Variants in TPP1 observed in about 807,000 individuals in gnomAD.
The protein encoded by TPP1 is tripeptidyl-peptidase 1.
TPP1 carries 43 observed loss-of-function variants against 67.6 expected under a neutral mutation model. The ratio of observed to expected loss-of-function variants is 0.64; its 90% CI spans 0.50 to 0.82. The LOEUF is 0.82. Ranked by LOEUF, TPP1 falls within the 40% of genes least tolerant of loss-of-function variation. The pLI is 0.00. For missense variants in TPP1, 671 were observed against 710.9 expected, an observed-to-expected ratio of 0.94 and a Z score of 0.64; for synonymous variants, 272 against 281.5, an observed-to-expected ratio of 0.97 and a Z score of 0.34.
At chr11:6,617,997 A>G (rs1855612257) in intron 3 of TPP1, 1 of 614,432 alleles carries the variant, frequency 1.6e-6, no homozygotes, top group African/African-American at 1.8e-5. Context: ...AAAGGCCAGT[A>G]AGTTGCAAAT....
chr11:6,615,186 C>T lies in TPP1; in HGVS notation c.1410G>A (p.Trp470Ter). 1 of 1,614,108 alleles carries T rather than the reference C, an allele frequency of 6.2e-7. No homozygotes were observed. The highest frequency in any genetic ancestry group is 8.5e-7 in the Non-Finnish European group (1 of 1,180,020). The change falls in exon 11 of 13, where the codon TGG becomes TGA. Residue 470 changes from tryptophan to a stop codon, truncating the protein, a stop_gained. Transcript: ENST00000299427. LOFTEE classifies it high-confidence loss of function. ...TGATTCTCACCGAGGTTCCGGACAC[C>T]CATGGAATGGGCACTCTGTTGCTGA... The part of the protein sequence containing the change: ...WVVSNRVPIP[W>*]VSGTSASTPV...
Position 6,618,858 on chromosome 11 carries a change from G to A in TPP1, c.147C>T (p.Leu49=), listed in dbSNP as rs757158698. The A allele has an allele frequency of 3.1e-6, 5 of 1,613,980 alleles. No individual in the cohort carries two copies. The East Asian group carries it at 8.9e-5, about 29-fold the overall frequency. ...CATTCTGCTGTCTCAGGGCAAAGGTGAGACTCAGCTCTTCCTCAGGGTCCG... is the reference window on the plus strand; with the variant it reads ...CATTCTGCTGTCTCAGGGCAAAGGTAAGACTCAGCTCTTCCTCAGGGTCCG... ...GRADPEEELS[L]TFALRQQNVE... is the part of the protein sequence containing the mutation. Residue 49 remains leucine, a synonymous_variant, in exon 3 of 13, where the codon CTC becomes CTT. Coordinates refer to ENST00000299427, the MANE Select transcript of TPP1 (RefSeq NM_000391.4).
Position 6,614,376 on chromosome 11 carries a change from TG to T in TPP1, c.*169del. ...AGGGAGACCTGAGTATGATGGAGCA[TG>T]GTAGGGTTGGGAGTCAAGTCAAGCT... On this transcript the variant is annotated 3_prime_UTR_variant, in exon 13 of 13. Coordinates refer to ENST00000299427, the MANE Select transcript of TPP1 (RefSeq NM_000391.4). 1 of 834,420 alleles carries T rather than the reference TG, an allele frequency of 1.2e-6. No homozygotes were observed. Among genetic ancestry groups the T allele is most frequent in the Non-Finnish European group, 1.9e-6 (1 of 525,588 alleles). The allele number at this position is 834,420 out of a possible 1,614,324, so 51.7% of individuals were successfully genotyped here.
rs1330875156 is a variant in TPP1, at chr11:6,617,013, C to G, written c.649G>C (p.Gly217Arg). 3 of 1,614,104 alleles carry G rather than the reference C, an allele frequency of 1.9e-6. No homozygotes were observed. The highest frequency in any genetic ancestry group is 2.5e-6 in the Non-Finnish European group (3 of 1,180,010). The change falls in exon 6 of 13, where the codon GGC becomes CGC. Residue 217 changes from glycine to arginine, a missense_variant. Gly to Arg is a moderately radical substitution (Grantham distance 125, BLOSUM62 -2). Coordinates refer to ENST00000299427, the MANE Select transcript of TPP1 (RefSeq NM_000391.4). ...TGGCTGTTATTGCTGGTGCCAGAGC[C>G]CACGTCTTGTGAGGTCAAGTTGTAT... ...KRYNLTSQDV[G>R]SGTSNNSQAC... is the part of the protein sequence containing the mutation.
Position 6,617,059 on chromosome 11 carries a change from G to T in TPP1, c.603C>A (p.Thr201=), listed in dbSNP as rs781437176. The T allele has an allele frequency of 1.2e-6, 2 of 1,614,138 alleles. No homozygotes were observed. The highest frequency in any genetic ancestry group is 1.1e-5 in the South Asian group (1 of 91,082). ...TGTATCGCTTACGGATCACAGAGGG[G>T]GTTACCCCCAGATGCAGGCCTACAG... The part of the protein sequence containing the change: ...TGTVGLHLGV[T]PSVIRKRYNL... The change falls in exon 6 of 13, where the codon ACC becomes ACA. Residue 201 remains threonine (T), a synonymous_variant. Transcript: ENST00000299427.
chr11:6,617,929 G>A (rs1336831964), intron 3 of TPP1, 153 bp from the exon 4 acceptor site: 1 of 1,058,146 alleles, frequency 9.5e-7, no homozygotes, highest in South Asian at 1.3e-5. Flanking sequence ...TTGGGAAGCA[G>A]AGGAAGAAAA....
chr11:6,618,122 C>T, intron 3 of TPP1: 1 of 377,680 alleles, frequency 2.6e-6, no homozygotes, highest in Non-Finnish European at 5.0e-6. Flanking sequence ...TCTTTCGGTA[C>T]CAGTTATTCA....
chr11:6,617,223 C>T, intron 5 of TPP1, 70 bp from the exon 6 acceptor site: 1 of 1,613,890 alleles, frequency 6.2e-7, no homozygotes, highest in Non-Finnish European at 8.5e-7. Context: ...CACCCCACCC[C>T]CAGTCCCCAA....
Position 6,617,763 on chromosome 11 carries a change from G to C in TPP1, c.243C>G (p.Thr81=). 4 of 1,614,160 alleles carry C rather than the reference G, an allele frequency of 2.5e-6. No individual in the cohort carries two copies. The highest frequency in any genetic ancestry group is 3.4e-6 in the Non-Finnish European group (4 of 1,180,032). ...PSSPQYGKYL[T]LENVADLVRP... is the part of the protein sequence containing the mutation. ...TCACCAGATCAGCCACATTCTCTAG[G>C]GTCAGGTATTTTCCTGCAGGGATTC... Residue 81 remains threonine (T), a synonymous_variant, in exon 4 of 13, where the codon ACC becomes ACG. Transcript: ENST00000299427.
At chr11:6,617,189 G>T (rs1254832755) in intron 5 of TPP1, 36 bp from the exon 6 acceptor site, 2 of 1,613,904 alleles carry the variant, frequency 1.2e-6, no homozygotes, top group East Asian at 4.5e-5. Context: ...AGATCTTATA[G>T]ACTGTAATGC....
Position 6,614,649 on chromosome 11 carries a change from T to C in TPP1, c.1589A>G (p.Glu530Gly). Residue 530 changes from glutamate (E) to glycine (G), a missense_variant, in exon 13 of 13, where the codon GAG becomes GGG. By Grantham distance (98) the Glu-to-Gly change is moderately conservative. Transcript: ENST00000299427. ...RGCHESCLDE[E>G]VEGQGFCSGP... is the part of the protein sequence containing the mutation. ...AGAGCAGAAACCCTGGCCCTCTACC[T>C]CTTCATCCAGACAGGACTCATGGCA... 1 of 1,614,088 alleles carries C rather than the reference T, an allele frequency of 6.2e-7. No individual in the cohort carries two copies. Among genetic ancestry groups the C allele is most frequent in the Non-Finnish European group, 8.5e-7 (1 of 1,179,990 alleles).
chr11:6,617,744 G>T lies in TPP1; in HGVS notation c.262C>A (p.Leu88Met), dbSNP rs780849847. The change falls in exon 4 of 13, where the codon CTG (leucine) becomes ATG (methionine). Residue 88 changes from leucine (L) to methionine (M), a missense_variant. Physicochemically the swap from Leu to Met is conservative, Grantham distance 15. Coordinates refer to ENST00000299427, the MANE Select transcript of TPP1 (RefSeq NM_000391.4). The part of the protein sequence containing the change: ...KYLTLENVAD[L>M]VRPSPLTLHT... ...AGGGTCAGTGGGGATGGCCTCACCA[G>T]ATCAGCCACATTCTCTAGGGTCAGG... The T allele has an allele frequency of 6.2e-7, 1 of 1,614,206 alleles. No individual in the cohort carries two copies.
chr11:6,618,153 C>A, intron 3 of TPP1: 1 of 360,524 alleles, frequency 2.8e-6, no homozygotes, highest in East Asian at 7.2e-5. Flanking sequence ...AATTTGCATA[C>A]TTGTTGATTT....
At chr11:6,619,158 GTA>G in intron 2 of TPP1, 36 bp downstream of exon 2, 1 of 1,611,448 alleles carries the variant, frequency 6.2e-7, no homozygotes, top group Non-Finnish European at 8.5e-7. Flanking sequence ...GCAGAACAGG[GTA>G]TGGGGAAGGG....
chr11:6,619,385 A>T lies in TPP1; in HGVS notation c.16T>A (p.Cys6Ser), dbSNP rs1285815452. Residue 6 changes from cysteine to serine, a missense_variant and splice_region_variant, in exon 1 of 13, where the codon TGC becomes AGC. Physicochemically the swap from Cys to Ser is moderately radical, Grantham distance 112 (BLOSUM62 -1). Transcript: ENST00000299427. MGLQA[C>S]LLGLFALILS... is the part of the protein sequence containing the mutation. ...TCCCGAGCCCTCTCAATTTCTCACC[A>T]GGCTTGGAGTCCCATTCTGCCCTTC... 1 of 1,614,038 alleles carries T rather than the reference A, an allele frequency of 6.2e-7. No homozygotes were observed. The highest frequency in any genetic ancestry group is 8.5e-7 in the Non-Finnish European group (1 of 1,180,026).
rs537703785 is a variant in TPP1, at chr11:6,617,784, G to T, written c.230-8C>A. On this transcript the variant is annotated splice_polypyrimidine_tract_variant and splice_region_variant and intron_variant, in intron 3 of 12. Transcript: ENST00000299427. Reference sequence around the variant, plus strand: ...CTAGGGTCAGGTATTTTCCTGCAGGGATTCAGAAGAGGCACTTGCCCTCAT... The same window carrying T: ...CTAGGGTCAGGTATTTTCCTGCAGGTATTCAGAAGAGGCACTTGCCCTCAT... 3.7e-6 allele frequency: 6 copies of T among 1,614,164 alleles called. No homozygotes were observed. The East Asian group carries it at 8.9e-5, about 24-fold the overall frequency.
rs767912332 is a variant in TPP1, at chr11:6,615,143, G to A, written c.1425+28C>T. The stretch of plus-strand genomic sequence containing the variant: ...TAGGGGGTAAGGGTAGTTCCTGAGT[G>A]AGAGTTTGGAGATGGGCTGATTCTC... On this transcript the variant is annotated intron_variant, in intron 11 of 12. Coordinates refer to ENST00000299427, the MANE Select transcript of TPP1 (RefSeq NM_000391.4). 6 of 1,614,040 alleles carry A rather than the reference G, an allele frequency of 3.7e-6. No individual in the cohort carries two copies. In the African/African-American group the frequency reaches 4.0e-5, roughly 11 times the overall value.
chr11:6,617,845 A>G (rs995855453), intron 3 of TPP1, 69 bp from the exon 4 acceptor site: 4 of 1,607,636 alleles, frequency 2.5e-6, no homozygotes, highest in African/African-American at 1.3e-5. Context: ...TTGGACCTCA[A>G]CTATGAGACA....
In TPP1 at chr11:6,618,873, C is replaced by T. The variant is rs1421911541; in HGVS notation, c.132G>A (p.Glu44=). 6.2e-7 allele frequency: 1 copy of T among 1,613,994 alleles called. No individual in the cohort carries two copies. Among genetic ancestry groups the T allele is most frequent in the Non-Finnish European group, 8.5e-7 (1 of 1,180,044 alleles). ...GWVSLGRADP[E]EELSLTFALR... ...GGGCAAAGGTGAGACTCAGCTCTTC[C>T]TCAGGGTCCGCACGGCCCAGGGACA... Residue 44 remains glutamate (E), a synonymous_variant, in exon 3 of 13, where the codon GAG becomes GAA. Coordinates refer to ENST00000299427, the MANE Select transcript of TPP1 (RefSeq NM_000391.4).
Sources: allele counts gnomAD v4.1 joint callset, GRCh38; gene constraint gnomAD v4.1.1; transcripts MANE v1.5; gene names NCBI Gene and HGNC (gene_info 2026-07-23, HGNC 2026-07-21).